The following EXD1 variants were observed in gnomAD, a reference collection of about 807,000 sequenced individuals.
EXD1 encodes the protein piRNA biogenesis protein EXD1.
A neutral mutation model predicts 49.1 loss-of-function variants in EXD1; 63 were observed. The ratio of observed to expected loss-of-function variants is 1.28; its 90% CI spans 1.05 to 1.58. The LOEUF (loss-of-function observed/expected upper bound fraction) is 1.58. EXD1 is among the 40% of genes most tolerant of loss of function. EXD1 has a pLI of 0.00. For synonymous variants in EXD1, 234 were observed against 239.2 expected (o/e 0.98, Z 0.20); for missense variants, 748 against 666.0 (o/e 1.12, Z -1.36).
At position 41,183,876 on chromosome 15, in the gene EXD1, C is replaced by T. The variant is rs1462819369; in HGVS notation, c.*55G>A. On this transcript the variant is annotated 3_prime_UTR_variant, in exon 12 of 12. Coordinates refer to ENST00000458580, the MANE Select transcript of EXD1 (RefSeq NM_001286441.2). ...AGAAACCTGGGCACTGTGGAAAGCC[C>T]TGATGGCAAAGGAAATAAGCCATCT... The T allele has an allele frequency of 9.9e-6, 15 of 1,510,008 alleles. No homozygotes were observed. The highest frequency in any genetic ancestry group is 1.3e-5 in the Non-Finnish European group (15 of 1,127,314). 93.5% of individuals were successfully genotyped at this position (1,510,008 alleles called of 1,614,324 possible).
chr15:41,188,198 TA>T (rs1232213850), intron 11 of EXD1, among the ~76,000 whole-genome samples: 1 of 151,932 alleles, frequency 6.6e-6, no homozygotes, highest in Non-Finnish European at 1.5e-5. Context: ...AACAATACTT[TA>T]AAAATGTAAA....
chr15:41,200,519 C>A (rs1303638409), intron 7 of EXD1, among the ~76,000 whole-genome samples: 1 of 152,120 alleles, frequency 6.6e-6, no homozygotes, highest in Non-Finnish European at 1.5e-5. Context: ...GAGCAAGACT[C>A]TGTCTCAAAA....
intron 6 of EXD1, among the ~76,000 whole-genome samples, chr15:41,211,450 G>A (rs1310529079): frequency 6.6e-6 from 1 of 151,594 alleles, no homozygotes; most frequent in African/African-American, 2.4e-5. Flanking sequence ...TTGTTGTCAC[G>A]GACACTTTAA....
At chr15:41,210,472 G>A (rs999934193) in intron 6 of EXD1, among the ~76,000 whole-genome samples, 2 of 152,142 alleles carry the variant, frequency 1.3e-5, no homozygotes, top group Admixed American at 1.3e-4. Flanking sequence ...AAGGAGGATC[G>A]TTTGAGCCCA....
chr15:41,199,776 T>TGATATATAATATATCA (rs2046693694), intron 7 of EXD1, among the ~76,000 whole-genome samples: 1 of 23,988 alleles, frequency 4.2e-5, no homozygotes, highest in South Asian at 1.5e-3. Context: ...GATATATATG[T>TGATATATAATATATCA]CATATATTAT....
At chr15:41,207,292 A>G (rs1399564005) in intron 7 of EXD1, among the ~76,000 whole-genome samples, 1 of 152,038 alleles carries the variant, frequency 6.6e-6, no homozygotes, top group Admixed American at 6.6e-5. Flanking sequence ...CTGTAATCCC[A>G]GCACTATGGG....
In EXD1 at chr15:41,226,120, C is replaced by G. The variant is rs963735851; in HGVS notation, c.133+323G>C. Among the ~76,000 whole-genome samples, 13 of 146,550 alleles carry G rather than the reference C, an allele frequency of 8.9e-5. No homozygotes were observed. In the Admixed American group the frequency reaches 8.9e-4, roughly 10 times the overall value. ...ACAAAAAATTTGCTGGGAGTGGTGG[C>G]GGGTGTCTGTAGTCCCAGCTACTCG... On this transcript the variant is annotated intron_variant, in intron 2 of 11. Transcript: ENST00000458580.
At position 41,230,513 on chromosome 15, in the gene EXD1, G is replaced by C; in HGVS notation, c.-88C>G. 1 of 1,614,154 alleles carries C rather than the reference G, an allele frequency of 6.2e-7. No individual in the cohort carries two copies. The highest frequency in any genetic ancestry group is 8.5e-7 in the Non-Finnish European group (1 of 1,180,008). ...GGAATTCACTGTCCTCCATCGTTAG[G>C]GCTTTTTCCTCCGAAGGAAGTTTGG... On this transcript the variant is annotated 5_prime_UTR_variant, in exon 1 of 12. Transcript: ENST00000458580.
intron 11 of EXD1, among the ~76,000 whole-genome samples, chr15:41,186,699 C>G (rs527739975): frequency 7.9e-5 from 12 of 151,664 alleles, no homozygotes; most frequent in Non-Finnish European, 1.5e-4. Flanking sequence ...TCCGTATAAC[C>G]TATACATATC....
At chr15:41,226,035 G>A (rs1299735420) in intron 2 of EXD1, among the ~76,000 whole-genome samples, 3 of 152,064 alleles carry the variant, frequency 2.0e-5, no homozygotes, top group Non-Finnish European at 4.4e-5. Flanking sequence ...GGCGGATCAC[G>A]AGGTCAGGAG....
chr15:41,220,637 T>C (rs775746320), intron 2 of EXD1, among the ~76,000 whole-genome samples: 19 of 152,074 alleles, frequency 1.2e-4, no homozygotes, highest in Non-Finnish European at 2.5e-4. Context: ...AGGACAACGA[T>C]CCAAATCCTG....
At chr15:41,210,333 C>T (rs1392575016) in intron 6 of EXD1, among the ~76,000 whole-genome samples, 1 of 152,146 alleles carries the variant, frequency 6.6e-6, no homozygotes, top group Non-Finnish European at 1.5e-5. Context: ...GTATCCACTG[C>T]TCAGAAAGAC....
At chr15:41,188,890 C>T (rs1490520614) in intron 11 of EXD1, among the ~76,000 whole-genome samples, 2 of 150,302 alleles carry the variant, frequency 1.3e-5, no homozygotes, top group Non-Finnish European at 3.0e-5. Flanking sequence ...GCAACCTCCA[C>T]CTCCCGGGTT....
intron 6 of EXD1, among the ~76,000 whole-genome samples, chr15:41,209,908 G>C (rs1400680704): frequency 6.6e-6 from 1 of 152,054 alleles, no homozygotes; most frequent in Non-Finnish European, 1.5e-5. Flanking sequence ...ATCATAATCT[G>C]TTTTTATATT....
Position 41,196,051 on chromosome 15 carries a change from T to TC in EXD1, c.535-15dup. Reference sequence around the variant, plus strand: ...ATTTGTGGCCACCTACAATAGACCATCCAGACACACATACCATAGGATAAG... The same window carrying TC: ...ATTTGTGGCCACCTACAATAGACCATCCCAGACACACATACCATAGGATAAG... On this transcript the variant is annotated splice_polypyrimidine_tract_variant and intron_variant, in intron 7 of 11. Transcript: ENST00000458580. 6.3e-7 allele frequency: 1 copy of TC among 1,591,648 alleles called. No individual in the cohort carries two copies.
chr15:41,182,832 GCCTT>G lies in EXD1; in HGVS notation c.*1095_*1098del, dbSNP rs1308953613. The G allele has an allele frequency of 1.3e-5, 2 of 152,152 alleles. No homozygotes were observed. Among genetic ancestry groups the G allele is most frequent in the East Asian group, 3.8e-4 (2 of 5,196 alleles). 9.4% of individuals were successfully genotyped at this position (152,152 alleles called of 1,614,324 possible). On this transcript the variant is annotated 3_prime_UTR_variant, in exon 12 of 12. Coordinates refer to ENST00000458580, the MANE Select transcript of EXD1 (RefSeq NM_001286441.2). ...TACTTTAAAAGGCTCAATACAAGCT[GCCTT>G]CCTTTCACCCTAAGAAAGTATACTA... is the stretch of plus-strand genomic sequence containing the variant.
intron 3 of EXD1, among the ~76,000 whole-genome samples, chr15:41,217,926 A>G (rs1318004912): frequency 6.6e-6 from 1 of 152,236 alleles, no homozygotes; most frequent in Non-Finnish European, 1.5e-5. Flanking sequence ...AGCAGAGAAA[A>G]GGTAAAATTG....
At chr15:41,214,123 T>C (rs376744284) in intron 6 of EXD1, among the ~76,000 whole-genome samples, 43 of 151,960 alleles carry the variant, frequency 2.8e-4, no homozygotes, top group African/African-American at 8.9e-4. Context: ...GCCGAGATAG[T>C]GCCACTGCAC....
intron 1 of EXD1, among the ~76,000 whole-genome samples, chr15:41,227,675 CAAA>C (rs56794638): frequency 9.7e-4 from 89 of 92,012 alleles, no homozygotes; most frequent in African/African-American, 1.3e-3. Flanking sequence ...AACACTGTCT[CAAA>C]AAAAAAAAAA....
Sources: allele counts gnomAD v4.1 joint callset (sites outside exome capture counted in the v4.1 genomes callset), GRCh38; gene constraint gnomAD v4.1.1; transcripts MANE v1.5; gene names NCBI Gene and HGNC (gene_info 2026-07-23, HGNC 2026-07-21).